Variants in CHD6 observed in about 807,000 individuals in gnomAD.
CHD6 encodes ATP-dependent chromatin remodeler CHD6.
Under a neutral mutation model 276.9 loss-of-function variants are expected in CHD6, and 50 were observed. The observed-to-expected ratio is 0.18, with a 90% CI of 0.14 to 0.23. The LOEUF (loss-of-function observed/expected upper bound fraction) is 0.23, where lower values mean the gene tolerates loss of function less well. Among genes scored for constraint, CHD6 ranks in the 10% least tolerant of loss-of-function variants. The pLI, the probability that CHD6 is intolerant of heterozygous loss-of-function variation, is 1.00. For missense variants in CHD6, 2,564 were observed against 3,365.8 expected (o/e 0.76, Z 5.89); for synonymous variants, 1,173 against 1,229.3 (o/e 0.95, Z 0.96).
At chr20:41,437,716 C>G (rs1363203583) in intron 26 of CHD6, among the ~76,000 whole-genome samples, 1 of 152,176 alleles carries the variant, frequency 6.6e-6, no homozygotes, top group African/African-American at 2.4e-5. Flanking sequence ...ATACCAATAT[C>G]GGCAGATGAT....
At chr20:41,616,755 A>G (rs966119005) in intron 1 of CHD6, among the ~76,000 whole-genome samples, 6 of 152,134 alleles carry the variant, frequency 3.9e-5, no homozygotes, top group Admixed American at 1.3e-4. Flanking sequence ...ATGCCTAATC[A>G]TTTTATCAAA....
At chr20:41,608,904 A>G (rs2045857003) in intron 1 of CHD6, among the ~76,000 whole-genome samples, 1 of 152,254 alleles carries the variant, frequency 6.6e-6, no homozygotes, top group Non-Finnish European at 1.5e-5. Context: ...GAGCTCTGCT[A>G]CATGAAATGC....
chr20:41,502,890 C>A (rs2043871125), intron 5 of CHD6, among the ~76,000 whole-genome samples: 1 of 152,142 alleles, frequency 6.6e-6, no homozygotes, highest in Non-Finnish European at 1.5e-5. Flanking sequence ...CCTATAGTCC[C>A]AGCTATTTGG....
At chr20:41,464,516 T>C (rs2042874090) in intron 17 of CHD6, among the ~76,000 whole-genome samples, 1 of 152,214 alleles carries the variant, frequency 6.6e-6, no homozygotes, top group African/African-American at 2.4e-5. Context: ...CCAGGCTTCA[T>C]CCTGCCAGAG....
intron 11 of CHD6, among the ~76,000 whole-genome samples, 188 bp from the exon 12 acceptor site, chr20:41,490,209 A>T (rs923485579): frequency 6.6e-6 from 1 of 152,200 alleles, no homozygotes; most frequent in Non-Finnish European, 1.5e-5. Flanking sequence ...AAACAGAACC[A>T]TGCTAATTTG....
chr20:41,421,245 T>C lies in CHD6; in HGVS notation c.5390A>G (p.Gln1797Arg), dbSNP rs1378281791. ...EGELCCSEAG[Q>R]RPENIGQLEA... is the part of the protein sequence containing the mutation. Reference sequence around the variant, plus strand: ...CAGCTGGCCAATGTTTTCAGGTCTCTGTCCTGCCTCACTGCAGCAGAGCTC... The same window carrying C: ...CAGCTGGCCAATGTTTTCAGGTCTCCGTCCTGCCTCACTGCAGCAGAGCTC... The change falls in exon 31 of 37, where the codon CAG (glutamine) becomes CGG (arginine). Residue 1797 changes from glutamine (Q) to arginine (R), a missense_variant. Coordinates refer to ENST00000373233, the MANE Select transcript of CHD6 (RefSeq NM_032221.5). The C allele has an allele frequency of 1.9e-6, 3 of 1,614,106 alleles. No homozygotes were observed. The East Asian group carries it at 6.7e-5, about 36-fold the overall frequency.
intron 22 of CHD6, 50 bp downstream of exon 22, chr20:41,451,776 T>A (rs752302271): frequency 2.6e-6 from 4 of 1,511,456 alleles, no homozygotes; most frequent in Non-Finnish European, 3.7e-6. Flanking sequence ...GAAGAGGGGA[T>A]GAAGTGCATG....
At chr20:41,602,235 T>C (rs1159642119) in intron 1 of CHD6, among the ~76,000 whole-genome samples, 1 of 152,182 alleles carries the variant, frequency 6.6e-6, no homozygotes, top group Non-Finnish European at 1.5e-5. Context: ...ATTACAAGAA[T>C]TTCAGGCTCT....
intron 33 of CHD6, among the ~76,000 whole-genome samples, chr20:41,415,857 G>A (rs1271947404): frequency 1.3e-5 from 2 of 152,198 alleles, no homozygotes; most frequent in African/African-American, 4.8e-5. Flanking sequence ...TTTTTTAACA[G>A]GTTTCCAGGT....
intron 1 of CHD6, among the ~76,000 whole-genome samples, chr20:41,589,784 C>T (rs1174462391): frequency 6.6e-6 from 1 of 152,170 alleles, no homozygotes; most frequent in African/African-American, 2.4e-5. Context: ...GTGAAAATGG[C>T]CATACTGCCC....
At chr20:41,530,801 A>G (rs1471483596) in intron 3 of CHD6, among the ~76,000 whole-genome samples, 1 of 152,216 alleles carries the variant, frequency 6.6e-6, no homozygotes, top group East Asian at 1.9e-4. Context: ...ACTTGTCCAC[A>G]TTTTTAAAGA....
At chr20:41,548,017 A>G (rs1244603251) in intron 2 of CHD6, 1 of 222,544 alleles carries the variant, frequency 4.5e-6, no homozygotes, top group African/African-American at 2.3e-5. Context: ...CAGAGTTTCA[A>G]TCCTGTTCTA....
At position 41,495,791 on chromosome 20, in the gene CHD6, G is replaced by A. The variant is rs188954895; in HGVS notation, c.1092+1593C>T. 2.9e-3 allele frequency among the ~76,000 whole-genome samples: 444 copies of A among 152,340 alleles called. 3 individuals carry two copies. Among genetic ancestry groups the A allele is most frequent in the Middle Eastern group, 0.014 (4 of 294 alleles). On this transcript the variant is annotated intron_variant, in intron 8 of 36. Transcript: ENST00000373233. Reference sequence around the variant, plus strand: ...ACTCCAATAAAGCTTAAAACGGCAAGAAAACTATCATCTAATCCTTGCAGG... The same window carrying A: ...ACTCCAATAAAGCTTAAAACGGCAAAAAAACTATCATCTAATCCTTGCAGG...
At chr20:41,580,119 T>C (rs1462786496) in intron 1 of CHD6, among the ~76,000 whole-genome samples, 1 of 152,216 alleles carries the variant, frequency 6.6e-6, no homozygotes. Context: ...AGCAGTCTAC[T>C]ACATGTATAG....
At chr20:41,609,746 A>G (rs1601194421) in intron 1 of CHD6, among the ~76,000 whole-genome samples, 1 of 152,020 alleles carries the variant, frequency 6.6e-6, no homozygotes, top group Non-Finnish European at 1.5e-5. Context: ...CCTGGTAAAT[A>G]TATCTAATAA....
intron 1 of CHD6, among the ~76,000 whole-genome samples, chr20:41,598,590 G>A (rs765855969): frequency 1.9e-4 from 29 of 152,112 alleles, no homozygotes; most frequent in Non-Finnish European, 2.8e-4. Flanking sequence ...GGGGCAATAA[G>A]GCATGCCAAA....
At chr20:41,610,974 C>T (rs1022835189) in intron 1 of CHD6, among the ~76,000 whole-genome samples, 8 of 152,052 alleles carry the variant, frequency 5.3e-5, no homozygotes, top group Non-Finnish European at 1.0e-4. Context: ...CTTCAAAAGT[C>T]ATGTTGAAAG....
At chr20:41,486,105 C>T (rs548796732) in intron 14 of CHD6, 1 of 152,120 alleles carries the variant, frequency 6.6e-6, no homozygotes, top group Admixed American at 6.6e-5. Context: ...AATCGAATCC[C>T]CCATATGGGT....
intron 30 of CHD6, 140 bp from the exon 31 acceptor site, chr20:41,422,219 C>A: frequency 2.6e-6 from 2 of 766,786 alleles, no homozygotes; most frequent in South Asian, 2.0e-5. Flanking sequence ...GAGCCCTTGC[C>A]AAAATAGGAA....
Sources: gnomAD v4.1 joint callset for allele counts (sites outside exome capture counted in the v4.1 genomes callset) on GRCh38, gnomAD v4.1.1 for gene constraint, MANE v1.5 for transcripts, NCBI Gene and HGNC (gene_info 2026-07-23, HGNC 2026-07-21) for gene names.